GALNT13: variants seen among roughly 807,000 people sequenced by gnomAD.
GALNT13 encodes the protein UDP-GalNAc:polypeptide N-acetylgalactosaminyltransferase 13.
GALNT13 carries 28 observed loss-of-function variants against 64.2 expected under a neutral mutation model. The observed-to-expected ratio is 0.44, with a 90% CI of 0.32 to 0.60. The LOEUF (loss-of-function observed/expected upper bound fraction) is 0.60, where lower values mean the gene tolerates loss of function less well. GALNT13 is among the 20% of genes least tolerant of loss of function. The probability of loss-of-function intolerance (pLI) is 0.05; values close to 1 mark genes in which losing one functional copy is unlikely to be tolerated. For synonymous variants in GALNT13, 214 were observed against 224.6 expected (o/e 0.95, Z 0.42); for missense variants, 577 against 669.8 (o/e 0.86, Z 1.53).
At chr2:153,420,342 T>C in the GALNT13 span, among the ~76,000 whole-genome samples, 7 of 152,206 alleles carry the variant, frequency 4.6e-5, no homozygotes, top group Non-Finnish European at 7.3e-5. Flanking sequence ...CATTTTCATT[T>C]TTTAAACATG....
chr2:153,698,480 TC>T, the GALNT13 span, among the ~76,000 whole-genome samples: 2 of 151,830 alleles, frequency 1.3e-5, no homozygotes, highest in African/African-American at 4.8e-5. Flanking sequence ...CTAGCAAAGA[TC>T]AAAAAAGACA....
chr2:153,273,284 A>T, the GALNT13 span, among the ~76,000 whole-genome samples: 20,279 of 152,056 alleles, frequency 0.13, 1,647 homozygotes, highest in Non-Finnish European at 0.18. Flanking sequence ...TAATTTTTTT[A>T]AAAAAATGAA....
intron 4 of GALNT13, among the ~76,000 whole-genome samples, chr2:154,171,551 A>G (rs774019273): frequency 2.0e-5 from 3 of 152,100 alleles, no homozygotes; most frequent in Non-Finnish European, 2.9e-5. Context: ...TGGATAATAC[A>G]GTTAATAACT....
chr2:154,193,307 G>C (rs1426513178), intron 4 of GALNT13, among the ~76,000 whole-genome samples: 1 of 152,046 alleles, frequency 6.6e-6, no homozygotes, highest in Admixed American at 6.5e-5. Flanking sequence ...GATATCTCTA[G>C]CTGCTTAGTT....
intron 8 of GALNT13, among the ~76,000 whole-genome samples, chr2:154,267,761 A>G (rs1691098479): frequency 1.3e-5 from 2 of 152,196 alleles, no homozygotes; most frequent in South Asian, 2.1e-4. Flanking sequence ...ATGGATTTGT[A>G]TCTAGAAAAA....
the GALNT13 span, among the ~76,000 whole-genome samples, chr2:153,191,523 T>C: frequency 1.3e-5 from 2 of 152,216 alleles, no homozygotes; most frequent in East Asian, 3.9e-4. Context: ...TGGAATATAG[T>C]TTTCTTTTTT....
At chr2:154,148,882 G>A (rs1190588032) in intron 4 of GALNT13, among the ~76,000 whole-genome samples, 2 of 152,126 alleles carry the variant, frequency 1.3e-5, no homozygotes, top group Non-Finnish European at 2.9e-5. Context: ...TAGGTTGCCT[G>A]TTCACTCTGA....
intron 3 of GALNT13, among the ~76,000 whole-genome samples, chr2:154,098,632 T>C (rs1447799038): frequency 6.6e-6 from 1 of 152,096 alleles, no homozygotes; most frequent in East Asian, 1.9e-4. Flanking sequence ...TTTATGTTTA[T>C]GTGTACCCAT....
the GALNT13 span, among the ~76,000 whole-genome samples, chr2:153,606,165 A>G: frequency 6.6e-6 from 1 of 152,150 alleles, no homozygotes; most frequent in Non-Finnish European, 1.5e-5. Context: ...TCAAATAGAT[A>G]TATTTGTATG....
chr2:153,080,565 A>G, the GALNT13 span, among the ~76,000 whole-genome samples: 3 of 152,188 alleles, frequency 2.0e-5, no homozygotes, highest in East Asian at 1.9e-4. Flanking sequence ...AGCAATTTTC[A>G]TAAATGTTTT....
chr2:154,417,790 G>T (rs1257202161), intron 11 of GALNT13, among the ~76,000 whole-genome samples: 1 of 151,988 alleles, frequency 6.6e-6, no homozygotes, highest in African/African-American at 2.4e-5. Flanking sequence ...GGGATTACAG[G>T]TGTGAGCCAC....
chr2:154,010,901 G>GT (rs967841825), intron 3 of GALNT13, among the ~76,000 whole-genome samples: 12 of 151,518 alleles, frequency 7.9e-5, no homozygotes, highest in East Asian at 7.8e-4. Context: ...GTCTCTGAGG[G>GT]TTTTTTTGTG....
chr2:153,776,075 A>G, the GALNT13 span, among the ~76,000 whole-genome samples: 1 of 152,190 alleles, frequency 6.6e-6, no homozygotes, highest in African/African-American at 2.4e-5. Context: ...ATACTATAAT[A>G]AACAATAAGA....
intron 4 of GALNT13, among the ~76,000 whole-genome samples, chr2:154,157,969 A>C (rs965335563): frequency 2.6e-5 from 4 of 151,932 alleles, no homozygotes; most frequent in African/African-American, 9.7e-5. Context: ...ATACCTTTTC[A>C]CCCTAACCCC....
the GALNT13 span, among the ~76,000 whole-genome samples, chr2:153,677,286 C>CAT: frequency 0.022 from 634 of 28,194 alleles, 3 homozygotes; most frequent in Middle Eastern, 0.077. Context: ...AATAGACATA[C>CAT]ACACACACAC....
At chr2:153,198,160 G>C in the GALNT13 span, among the ~76,000 whole-genome samples, 1 of 152,150 alleles carries the variant, frequency 6.6e-6, no homozygotes, top group African/African-American at 2.4e-5. Context: ...GTAGGATGTA[G>C]TCTGCTGGGG....
At chr2:153,319,029 A>C in the GALNT13 span, among the ~76,000 whole-genome samples, 1 of 152,208 alleles carries the variant, frequency 6.6e-6, no homozygotes, top group Non-Finnish European at 1.5e-5. Context: ...GGGTTCAGAG[A>C]AGTTATACAA....
At chr2:153,124,012 T>A in the GALNT13 span, among the ~76,000 whole-genome samples, 3 of 152,194 alleles carry the variant, frequency 2.0e-5, no homozygotes, top group East Asian at 5.8e-4. Context: ...TTCTATCTTG[T>A]TCACTCACTC....
chr2:153,328,855 G>GA, the GALNT13 span, among the ~76,000 whole-genome samples: 16 of 151,652 alleles, frequency 1.1e-4, no homozygotes, highest in East Asian at 7.7e-4. Flanking sequence ...CTGGGGTACA[G>GA]AAAAAAAACT....
Sources: allele counts gnomAD v4.1 joint callset (sites outside exome capture counted in the v4.1 genomes callset), GRCh38; gene constraint gnomAD v4.1.1; transcripts MANE v1.5; gene names NCBI Gene and HGNC (gene_info 2026-07-23, HGNC 2026-07-21).